Variants in FAM98B observed in about 807,000 individuals in gnomAD.
FAM98B encodes tRNA splicing ligase complex subunit 3B.
A neutral mutation model predicts 43.9 loss-of-function variants in FAM98B; 32 were observed. The ratio of observed to expected loss-of-function variants is 0.73; its 90% CI spans 0.55 to 0.98. FAM98B has a LOEUF of 0.98. Ranked by LOEUF, FAM98B falls within the 50% of genes least tolerant of loss-of-function variation. FAM98B has a pLI of 0.00. For synonymous variants in FAM98B, 190 were observed against 174.0 expected (o/e 1.09, Z -0.72); for missense variants, 514 against 522.9 (o/e 0.98, Z 0.17).
intron 5 of FAM98B, 40 bp downstream of exon 5, chr15:38,473,625 T>C: frequency 6.8e-7 from 1 of 1,463,146 alleles, no homozygotes; most frequent in Non-Finnish European, 9.4e-7. Context: ...TGTAATTACA[T>C]TAGTGAATAT....
intron 6 of FAM98B, among the ~76,000 whole-genome samples, chr15:38,478,479 G>A (rs539357424): frequency 8.6e-5 from 13 of 151,640 alleles, no homozygotes; most frequent in South Asian, 2.1e-4. Flanking sequence ...CCCTATTTTC[G>A]TGATAGAAAA....
chr15:38,474,690 T>C (rs1890172588), intron 6 of FAM98B, among the ~76,000 whole-genome samples: 1 of 152,180 alleles, frequency 6.6e-6, no homozygotes, highest in South Asian at 2.1e-4. Context: ...ATATAGAATG[T>C]GTTTCAGTTG....
intron 1 of FAM98B, 135 bp downstream of exon 1, chr15:38,454,367 G>T: frequency 1.1e-6 from 1 of 871,620 alleles, no homozygotes; most frequent in Non-Finnish European, 1.8e-6. Context: ...GATCCCTCCG[G>T]CGCCGACGGA....
intron 1 of FAM98B, chr15:38,458,940 TC>T: frequency 7.3e-6 from 3 of 413,032 alleles, no homozygotes; most frequent in East Asian, 6.4e-5. Flanking sequence ...CTCAGGTTCC[TC>T]CCCAGGCGGC....
intron 6 of FAM98B, among the ~76,000 whole-genome samples, chr15:38,479,160 G>GT (rs1890248644): frequency 6.6e-6 from 1 of 151,906 alleles, no homozygotes; most frequent in Non-Finnish European, 1.5e-5. Context: ...TAGAGACAGG[G>GT]TTTTGCCATG....
chr15:38,484,164 G>A, intron 7 of FAM98B, 91 bp from the exon 8 acceptor site: 1 of 1,149,266 alleles, frequency 8.7e-7, no homozygotes, highest in Non-Finnish European at 1.2e-6. Context: ...TTAAATATTG[G>A]CTTCTGTTTA....
intron 6 of FAM98B, among the ~76,000 whole-genome samples, chr15:38,481,000 G>A (rs1890273926): frequency 6.6e-6 from 1 of 151,906 alleles, no homozygotes; most frequent in Non-Finnish European, 1.5e-5. Context: ...TGTCCTGTAT[G>A]TGGTTTTGGT....
chr15:38,476,960 C>G (rs1424324136), intron 6 of FAM98B, among the ~76,000 whole-genome samples: 1 of 151,904 alleles, frequency 6.6e-6, no homozygotes, highest in Non-Finnish European at 1.5e-5. Context: ...CACTGCACTA[C>G]AGCTTGGGCG....
intron 3 of FAM98B, among the ~76,000 whole-genome samples, chr15:38,465,935 TCAAA>T (rs1009222430): frequency 2.6e-5 from 4 of 152,172 alleles, no homozygotes; most frequent in African/African-American, 9.7e-5. Context: ...CATACTGTAT[TCAAA>T]CAATTACCAT....
chr15:38,476,526 A>T (rs1890202986), intron 6 of FAM98B, among the ~76,000 whole-genome samples: 1 of 146,906 alleles, frequency 6.8e-6, no homozygotes, highest in Admixed American at 6.8e-5. Context: ...TTTTCCCCTC[A>T]TTTTCTCTCT....
In FAM98B at chr15:38,484,351, G is replaced by A. The variant is rs902190629; in HGVS notation, c.994G>A (p.Gly332Ser). The A allele has an allele frequency of 2.4e-5, 37 of 1,536,168 alleles. No homozygotes were observed. Among genetic ancestry groups the A allele is most frequent in the African/African-American group, 8.6e-5 (6 of 69,834 alleles). Reference protein sequence around the residue: ...MPPWQKRQEGGGGRGGWGGGG... With the variant: ...MPPWQKRQEGSGGRGGWGGGG... ...CCCTTGGCAAAAGAGACAAGAAGGC[G>A]GCGGTGGAAGGGGTGGTTGGGGTGG... The change falls in exon 8 of 8, where the codon GGC (glycine) becomes AGC (serine). Residue 332 changes from glycine to serine, a missense_variant. By Grantham distance (56) the Gly-to-Ser change is moderately conservative. Coordinates refer to ENST00000397609, the MANE Select transcript of FAM98B (RefSeq NM_173611.4).
chr15:38,466,518 C>T (rs1358707380), intron 3 of FAM98B, among the ~76,000 whole-genome samples: 1 of 151,924 alleles, frequency 6.6e-6, no homozygotes, highest in Non-Finnish European at 1.5e-5. Flanking sequence ...AGAAGCTTAG[C>T]AATTGTAGTG....
At chr15:38,481,150 CAG>C in intron 6 of FAM98B, 140 bp from the exon 7 acceptor site, 1 of 614,024 alleles carries the variant, frequency 1.6e-6, no homozygotes. Context: ...CATAAATTCT[CAG>C]ATATTTGGGT....
intron 6 of FAM98B, among the ~76,000 whole-genome samples, chr15:38,475,432 A>T (rs940225396): frequency 6.6e-6 from 1 of 152,200 alleles, no homozygotes; most frequent in Non-Finnish European, 1.5e-5. Flanking sequence ...TCCTAAAGTG[A>T]AGGTATTGGC....
intron 6 of FAM98B, among the ~76,000 whole-genome samples, chr15:38,477,917 G>T (rs527340791): frequency 4.5e-4 from 69 of 152,342 alleles, no homozygotes; most frequent in Non-Finnish European, 7.9e-4. Flanking sequence ...ATAGAGTTCA[G>T]ATGTGTGGGA....
Position 38,455,508 on chromosome 15 carries a change from A to G in FAM98B, c.71+1276A>G, listed in dbSNP as rs993836684. On this transcript the variant is annotated intron_variant, in intron 1 of 7. Transcript: ENST00000397609. ...GTGACCCAGGGTTACGGAGTCTTGCACTTAGTAGATCGTGAATACATATTT... is the reference window on the plus strand; with the variant it reads ...GTGACCCAGGGTTACGGAGTCTTGCGCTTAGTAGATCGTGAATACATATTT... Among the ~76,000 whole-genome samples, 3 of 152,326 alleles carry G rather than the reference A, an allele frequency of 2.0e-5. No homozygotes were observed. The East Asian group carries it at 5.8e-4, about 29-fold the overall frequency.
At chr15:38,482,694 A>G (rs769021681) in intron 7 of FAM98B, 3 of 152,200 alleles carry the variant, frequency 2.0e-5, no homozygotes, top group Non-Finnish European at 2.9e-5. Flanking sequence ...TTAATTGGTC[A>G]TTTTGGTTGA....
intron 2 of FAM98B, among the ~76,000 whole-genome samples, chr15:38,464,748 A>G (rs1315048680): frequency 2.0e-5 from 3 of 152,298 alleles, no homozygotes; most frequent in Middle Eastern, 3.4e-3. Context: ...CATTCACAAA[A>G]GTAGCTTTTT....
intron 4 of FAM98B, 149 bp from the exon 5 acceptor site, chr15:38,473,356 G>A (rs546377161): frequency 2.9e-5 from 16 of 552,686 alleles, no homozygotes; most frequent in South Asian, 5.8e-5. Flanking sequence ...ACTCTGTATT[G>A]TAGTGGTATT....
Sources: gnomAD v4.1 joint callset for allele counts (sites outside exome capture counted in the v4.1 genomes callset) on GRCh38, gnomAD v4.1.1 for gene constraint, MANE v1.5 for transcripts, NCBI Gene and HGNC (gene_info 2026-07-23, HGNC 2026-07-21) for gene names.